The following DSCAM variants were observed in gnomAD, a reference collection of about 807,000 sequenced individuals.
DSCAM encodes cell adhesion molecule DSCAM.
A neutral mutation model predicts 217.7 loss-of-function variants in DSCAM; 47 were observed. The observed-to-expected ratio is 0.22, with a 90% CI of 0.17 to 0.28. The LOEUF is 0.28. DSCAM is among the 10% of genes least tolerant of loss of function. The pLI is 1.00. For synonymous variants in DSCAM, 1,056 were observed against 1,015.3 expected (o/e 1.04, Z -0.76); for missense variants, 2,080 against 2,618.3 (o/e 0.79, Z 4.49).
At chr21:40,480,413 G>A (rs2075972393) in intron 3 of DSCAM, among the ~76,000 whole-genome samples, 1 of 152,162 alleles carries the variant, frequency 6.6e-6, no homozygotes, top group African/African-American at 2.4e-5. Flanking sequence ...CAAATAACAG[G>A]TCAGAGACTG....
chr21:40,707,530 C>T (rs2090730964), intron 2 of DSCAM, among the ~76,000 whole-genome samples: 1 of 152,146 alleles, frequency 6.6e-6, no homozygotes, highest in African/African-American at 2.4e-5. Context: ...AGAAACACCT[C>T]ATATTTTTCT....
At chr21:40,670,122 G>C (rs1238609456) in intron 3 of DSCAM, among the ~76,000 whole-genome samples, 5 of 152,128 alleles carry the variant, frequency 3.3e-5, no homozygotes, top group Admixed American at 3.3e-4. Flanking sequence ...ATTTTCCCAT[G>C]CAGCTATTTT....
At chr21:40,697,032 C>T (rs1377842928) in intron 2 of DSCAM, among the ~76,000 whole-genome samples, 1 of 151,972 alleles carries the variant, frequency 6.6e-6, no homozygotes. Context: ...ATTTTTATAC[C>T]CCTCAGCCAA....
At chr21:40,681,794 T>C (rs897131737) in intron 3 of DSCAM, among the ~76,000 whole-genome samples, 3 of 151,910 alleles carry the variant, frequency 2.0e-5, no homozygotes, top group Admixed American at 2.0e-4. Context: ...GGAGAAGAAA[T>C]GCAAAGACAC....
At chr21:40,219,775 C>T (rs555338843) in intron 11 of DSCAM, among the ~76,000 whole-genome samples, 29 of 152,196 alleles carry the variant, frequency 1.9e-4, no homozygotes, top group African/African-American at 6.7e-4. Context: ...AACCAATAAC[C>T]AACAAGTGAA....
intron 3 of DSCAM, among the ~76,000 whole-genome samples, chr21:40,591,656 A>C (rs1480769253): frequency 6.6e-6 from 1 of 152,238 alleles, no homozygotes; most frequent in Non-Finnish European, 1.5e-5. Flanking sequence ...TGAGGTAACA[A>C]GGTATAAATA....
chr21:40,613,020 G>C (rs1029991967), intron 3 of DSCAM, among the ~76,000 whole-genome samples: 2 of 152,150 alleles, frequency 1.3e-5, no homozygotes, highest in Non-Finnish European at 1.5e-5. Context: ...GTGGCCACTT[G>C]ACCAAGAGAG....
At chr21:40,548,461 A>G (rs2076601782) in intron 3 of DSCAM, among the ~76,000 whole-genome samples, 2 of 151,954 alleles carry the variant, frequency 1.3e-5, no homozygotes, top group South Asian at 4.1e-4. Context: ...TGAGCAATTT[A>G]CAATCCTGGA....
At chr21:40,081,372 T>C (rs1464972356) in intron 24 of DSCAM, among the ~76,000 whole-genome samples, 2 of 152,116 alleles carry the variant, frequency 1.3e-5, no homozygotes, top group East Asian at 1.9e-4. Context: ...AATGGGCAGG[T>C]TTGCTGATTT....
At chr21:40,451,740 T>A (rs577019111) in intron 3 of DSCAM, among the ~76,000 whole-genome samples, 1 of 152,200 alleles carries the variant, frequency 6.6e-6, no homozygotes, top group East Asian at 1.9e-4. Context: ...CTGGAGGATG[T>A]GTGCACGCCA....
At chr21:40,265,342 A>G (rs998906738) in intron 11 of DSCAM, among the ~76,000 whole-genome samples, 1 of 152,192 alleles carries the variant, frequency 6.6e-6, no homozygotes, top group Admixed American at 6.5e-5. Context: ...TGCTGAAAGA[A>G]ATCATAGATG....
chr21:40,290,615 C>A (rs966157366), intron 10 of DSCAM, among the ~76,000 whole-genome samples: 1 of 152,076 alleles, frequency 6.6e-6, no homozygotes, highest in Admixed American at 6.6e-5. Flanking sequence ...AGCGAGACTC[C>A]ATCACAAAAA....
chr21:40,598,182 A>ATATGGTTG (rs2077035706), intron 3 of DSCAM, among the ~76,000 whole-genome samples: 1 of 152,160 alleles, frequency 6.6e-6, no homozygotes, highest in South Asian at 2.1e-4. Flanking sequence ...CCAGAATGTC[A>ATATGGTTG]TATGGTTGGA....
chr21:40,179,204 A>AAAAAAG, intron 14 of DSCAM, 110 bp from the exon 15 acceptor site: 1 of 1,066,036 alleles, frequency 9.4e-7, no homozygotes, highest in Non-Finnish European at 1.3e-6. Context: ...AAAAAAAAAA[A>AAAAAAG]AAAAAGACGG....
At position 40,313,120 on chromosome 21, in the gene DSCAM, T is replaced by TAAA. The variant is rs531764117; in HGVS notation, c.1784-764_1784-762dup. On this transcript the variant is annotated intron_variant, in intron 8 of 32. Coordinates refer to ENST00000400454, the MANE Select transcript of DSCAM (RefSeq NM_001389.5). The stretch of plus-strand genomic sequence containing the variant: ...TGACTCCAGCCTGTGTCTAAAAAAC[T>TAAA]AAAAAAAAAAAAAAAAGTAAAATAA... Among the ~76,000 whole-genome samples, 325 of 135,170 alleles carry TAAA rather than the reference T, an allele frequency of 2.4e-3. 2 individuals carry two copies. The highest frequency in any genetic ancestry group is 3.2e-3 in the South Asian group (14 of 4,354). 88.7% of individuals were successfully genotyped at this position (135,170 alleles called of 152,430 possible).
intron 30 of DSCAM, among the ~76,000 whole-genome samples, chr21:40,049,560 G>T (rs1022557993): frequency 6.6e-6 from 1 of 152,096 alleles, no homozygotes; most frequent in African/African-American, 2.4e-5. Flanking sequence ...TCTAATGTCT[G>T]CCCCCTGACT....
chr21:40,268,962 T>C (rs2073578004), intron 11 of DSCAM, among the ~76,000 whole-genome samples: 4 of 152,272 alleles, frequency 2.6e-5, no homozygotes, highest in Admixed American at 1.3e-4. Context: ...CCCACGGAGC[T>C]GTTCTGCCCC....
intron 20 of DSCAM, among the ~76,000 whole-genome samples, chr21:40,094,954 A>G (rs1477170962): frequency 6.6e-6 from 1 of 152,244 alleles, no homozygotes; most frequent in Non-Finnish European, 1.5e-5. Flanking sequence ...GACTGGATAA[A>G]CATAATATGT....
intron 1 of DSCAM, among the ~76,000 whole-genome samples, chr21:40,745,403 CAAGAGA>C (rs2091165039): frequency 6.6e-6 from 1 of 152,054 alleles, no homozygotes; most frequent in Non-Finnish European, 1.5e-5. Context: ...CTCAAAGCAG[CAAGAGA>C]AAGAAAACAT....
Sources: gnomAD v4.1 joint callset for allele counts (sites outside exome capture counted in the v4.1 genomes callset) on GRCh38, gnomAD v4.1.1 for gene constraint, MANE v1.5 for transcripts, NCBI Gene and HGNC (gene_info 2026-07-23, HGNC 2026-07-21) for gene names.